Variants in PRICKLE2 observed in about 807,000 individuals in gnomAD.
PRICKLE2 encodes prickle planar cell polarity protein 2, also known as prickle-like protein 2.
PRICKLE2 carries 21 observed loss-of-function variants against 81.4 expected under a neutral mutation model. The observed-to-expected ratio is 0.26, with a 90% CI of 0.18 to 0.37. The LOEUF (loss-of-function observed/expected upper bound fraction) is 0.37. PRICKLE2 is among the 10% of genes least tolerant of loss of function. The probability of loss-of-function intolerance (pLI) is 1.00; values close to 1 mark genes in which losing one functional copy is unlikely to be tolerated. For missense variants in PRICKLE2, 940 were observed against 1,109.0 expected (o/e 0.85, Z 2.16); for synonymous variants, 456 against 421.5 (o/e 1.08, Z -1.00).
chr3:64,217,660 G>A (rs2078893115), intron 1 of PRICKLE2, among the ~76,000 whole-genome samples: 1 of 152,078 alleles, frequency 6.6e-6, no homozygotes, highest in South Asian at 2.1e-4. Flanking sequence ...AAATCTCCTG[G>A]GCCAACTGTA....
chr3:64,234,338 TTA>T (rs995167651), intron 2 of PRICKLE2, among the ~76,000 whole-genome samples: 6 of 152,236 alleles, frequency 3.9e-5, no homozygotes, highest in Non-Finnish European at 5.9e-5. Flanking sequence ...ACTGTCTTTT[TTA>T]TTATAGTCAT....
At chr3:64,213,379 A>C (rs540903746) in intron 1 of PRICKLE2, among the ~76,000 whole-genome samples, 7 of 152,290 alleles carry the variant, frequency 4.6e-5, no homozygotes, top group African/African-American at 1.7e-4. Flanking sequence ...GTGCCCGGCC[A>C]TGACTTTCTT....
At chr3:64,193,924 T>C (rs748081232) in intron 2 of PRICKLE2, among the ~76,000 whole-genome samples, 2 of 152,226 alleles carry the variant, frequency 1.3e-5, no homozygotes, top group Non-Finnish European at 2.9e-5. Context: ...CCTTTGTAAA[T>C]TGTCCAGTCT....
intron 1 of PRICKLE2, among the ~76,000 whole-genome samples, chr3:64,224,018 A>C (rs1368136180): frequency 6.6e-6 from 1 of 152,190 alleles, no homozygotes; most frequent in East Asian, 1.9e-4. Context: ...CCCTCCCCTG[A>C]CTGTGCTCAT....
At chr3:64,153,783 C>A (rs1240730985) in intron 5 of PRICKLE2, 1 of 240,452 alleles carries the variant, frequency 4.2e-6, no homozygotes, top group Non-Finnish European at 8.2e-6. Context: ...GAAAACACAA[C>A]ATTTGCAATG....
chr3:64,142,595 G>A (rs1252440962), intron 7 of PRICKLE2, among the ~76,000 whole-genome samples: 3 of 152,070 alleles, frequency 2.0e-5, no homozygotes, highest in African/African-American at 7.2e-5. Context: ...ACAGGTGTGA[G>A]CCACCACGCC....
intron 7 of PRICKLE2, among the ~76,000 whole-genome samples, chr3:64,113,558 T>C (rs931426062): frequency 6.6e-6 from 1 of 152,146 alleles, no homozygotes; most frequent in Non-Finnish European, 1.5e-5. Context: ...CCGGGGCCCA[T>C]GGCAATGCCC....
In PRICKLE2 at chr3:64,181,295, G is replaced by C. The variant is rs369298786; in HGVS notation, c.144+17489C>G. Among the ~76,000 whole-genome samples the C allele has an allele frequency of 4.1e-4, 62 of 152,190 alleles. 1 individual carries two copies. Among genetic ancestry groups the C allele is most frequent in the East Asian group, 3.7e-3 (19 of 5,166 alleles). ...GTTAGCCAACAATTGTGAGAGACAA[G>C]CACTCAGCATCAATGAGGCTCAGAC... On this transcript the variant is annotated intron_variant, in intron 2 of 7. Transcript: ENST00000638394.
At chr3:64,239,036 G>A (rs1559598496) in intron 2 of PRICKLE2, among the ~76,000 whole-genome samples, 1 of 152,132 alleles carries the variant, frequency 6.6e-6, no homozygotes, top group Non-Finnish European at 1.5e-5. Flanking sequence ...AGCCCTGCTG[G>A]TGCATCCTCA....
intron 2 of PRICKLE2, among the ~76,000 whole-genome samples, chr3:64,164,555 C>A (rs1016932143): frequency 6.6e-6 from 1 of 152,004 alleles, no homozygotes; most frequent in South Asian, 2.1e-4. Flanking sequence ...AATGACAAGG[C>A]CTTAAAAAAT....
chr3:64,264,958 T>C (rs1226942009), intron 2 of PRICKLE2, among the ~76,000 whole-genome samples: 1 of 152,176 alleles, frequency 6.6e-6, no homozygotes, highest in African/African-American at 2.4e-5. Context: ...TCTGGGCTAA[T>C]CTTGCAGGGA....
At chr3:64,249,792 C>T (rs1050186532) in intron 2 of PRICKLE2, among the ~76,000 whole-genome samples, 3 of 152,222 alleles carry the variant, frequency 2.0e-5, no homozygotes, top group Non-Finnish European at 4.4e-5. Flanking sequence ...ATAATAAATG[C>T]TCCTTGAAGG....
intron 4 of PRICKLE2, among the ~76,000 whole-genome samples, chr3:64,159,497 T>C (rs1430139757): frequency 2.6e-5 from 4 of 152,320 alleles, no homozygotes; most frequent in South Asian, 2.1e-4. Context: ...CCCCAGCCCA[T>C]TGGCCAACTC....
chr3:64,232,075 C>A (rs917161679), intron 2 of PRICKLE2, among the ~76,000 whole-genome samples: 1 of 152,220 alleles, frequency 6.6e-6, no homozygotes, highest in Admixed American at 6.5e-5. Context: ...TTCCTTTGTA[C>A]AAGGGAAGAG....
At chr3:64,200,194 G>A (rs1489886259) in intron 1 of PRICKLE2, 1 of 152,106 alleles carries the variant, frequency 6.6e-6, no homozygotes, top group Non-Finnish European at 1.5e-5. Flanking sequence ...GCCTATTTTG[G>A]ACATTTCATA....
In PRICKLE2 at chr3:64,153,683, G is replaced by C; in HGVS notation, c.601-315C>G. 8.6e-6 allele frequency: 3 copies of C among 350,798 alleles called. No homozygotes were observed. The South Asian group carries it at 9.0e-5, about 11-fold the overall frequency. 21.7% of individuals were successfully genotyped at this position (350,798 alleles called of 1,614,324 possible). On this transcript the variant is annotated intron_variant, in intron 5 of 7. Transcript: ENST00000638394. ...AAACTGACAGCTCACAGGCACATTG[G>C]ACATACATATCTGCTTCATTTGGCC...
At chr3:64,262,405 C>A (rs1411607342) in intron 2 of PRICKLE2, among the ~76,000 whole-genome samples, 1 of 152,074 alleles carries the variant, frequency 6.6e-6, no homozygotes, top group East Asian at 1.9e-4. Flanking sequence ...TATGTTTTGA[C>A]ACAGCAAGTC....
At chr3:64,202,819 C>T (rs749047333) in intron 1 of PRICKLE2, among the ~76,000 whole-genome samples, 9 of 152,058 alleles carry the variant, frequency 5.9e-5, no homozygotes, top group Non-Finnish European at 1.2e-4. Flanking sequence ...ACAGAAGTAG[C>T]AAGGGTGGAC....
At chr3:64,178,668 A>G (rs1040628068) in intron 2 of PRICKLE2, among the ~76,000 whole-genome samples, 5 of 152,336 alleles carry the variant, frequency 3.3e-5, no homozygotes, top group African/African-American at 1.2e-4. Flanking sequence ...AACACAAGTG[A>G]TTCTCTTTAT....
Sources: allele counts gnomAD v4.1 joint callset (sites outside exome capture counted in the v4.1 genomes callset), GRCh38; gene constraint gnomAD v4.1.1; transcripts MANE v1.5; gene names NCBI Gene and HGNC (gene_info 2026-07-23, HGNC 2026-07-21).